The following SYN3 variants were observed in gnomAD, a reference collection of about 807,000 sequenced individuals.
The protein encoded by SYN3 is synapsin III.
Under a neutral mutation model 65.8 loss-of-function variants are expected in SYN3, and 35 were observed. The observed-to-expected ratio is 0.53, with a 90% CI of 0.41 to 0.70. SYN3 has a LOEUF of 0.70. Among genes scored for constraint, SYN3 ranks in the 30% least tolerant of loss-of-function variants. The probability of loss-of-function intolerance (pLI) is 0.00; values close to 1 mark genes in which losing one functional copy is unlikely to be tolerated. For missense variants in SYN3, 680 were observed against 749.0 expected (o/e 0.91, Z 1.08); for synonymous variants, 270 against 292.9 (o/e 0.92, Z 0.80).
intron 1 of SYN3, among the ~76,000 whole-genome samples, chr22:33,046,838 G>A (rs1380150118): frequency 7.0e-5 from 4 of 57,460 alleles, no homozygotes; most frequent in Non-Finnish European, 1.4e-4. Flanking sequence ...GCAAGTCTCT[G>A]TTTAAAAAAA....
intron 6 of SYN3, among the ~76,000 whole-genome samples, chr22:32,713,551 C>T (rs2060993643): frequency 6.6e-6 from 1 of 152,186 alleles, no homozygotes; most frequent in Admixed American, 6.5e-5. Context: ...GATATCCCGG[C>T]TGGGCGCGGT....
intron 1 of SYN3, among the ~76,000 whole-genome samples, chr22:33,036,177 T>A (rs1423877490): frequency 6.6e-6 from 1 of 152,186 alleles, no homozygotes; most frequent in Non-Finnish European, 1.5e-5. Context: ...CTAAATTTCC[T>A]GAAAACCTCC....
chr22:32,516,030 C>G (rs1390380936), intron 13 of SYN3, among the ~76,000 whole-genome samples: 3 of 152,100 alleles, frequency 2.0e-5, no homozygotes, highest in Non-Finnish European at 4.4e-5. Flanking sequence ...GATCTCCTGA[C>G]CTTGTGATCC....
chr22:32,577,545 T>C (rs2058870244), intron 7 of SYN3, among the ~76,000 whole-genome samples: 1 of 152,238 alleles, frequency 6.6e-6, no homozygotes, highest in Non-Finnish European at 1.5e-5. Flanking sequence ...AAAATATCAT[T>C]GGAGATTTGT....
At chr22:32,776,231 T>C (rs1602119601) in intron 6 of SYN3, among the ~76,000 whole-genome samples, 1 of 152,152 alleles carries the variant, frequency 6.6e-6, no homozygotes, top group South Asian at 2.1e-4. Context: ...CCTTTTTTTT[T>C]CAGCCCATTG....
intron 6 of SYN3, among the ~76,000 whole-genome samples, chr22:32,803,168 T>C (rs918688606): frequency 1.3e-5 from 2 of 152,076 alleles, no homozygotes; most frequent in African/African-American, 4.8e-5. Flanking sequence ...GTGTGTGCAC[T>C]GGGCTGGGCT....
chr22:32,774,053 AG>A lies in SYN3; in HGVS notation c.711+90861del, dbSNP rs1420696187. On this transcript the variant is annotated intron_variant, in intron 6 of 13. Transcript: ENST00000358763. Reference sequence around the variant, plus strand: ...TGTGTGCTGGTCCCAAGGACAGGAAAGAAAAGAGTGAGATGGGCTTGGAGGG... The same window carrying A: ...TGTGTGCTGGTCCCAAGGACAGGAAAAAAAGAGTGAGATGGGCTTGGAGGG... Among the ~76,000 whole-genome samples the A allele has an allele frequency of 3.3e-5, 5 of 152,222 alleles. No individual in the cohort carries two copies. In the East Asian group the frequency reaches 7.7e-4, roughly 24 times the overall value.
chr22:32,622,788 G>T (rs946165586), intron 6 of SYN3, among the ~76,000 whole-genome samples: 5 of 151,888 alleles, frequency 3.3e-5, no homozygotes, highest in Non-Finnish European at 5.9e-5. Context: ...GCAGGGAGAG[G>T]CTTCAAGCTT....
chr22:32,670,812 C>T (rs1393280732), intron 6 of SYN3, among the ~76,000 whole-genome samples: 1 of 152,168 alleles, frequency 6.6e-6, no homozygotes, highest in Non-Finnish European at 1.5e-5. Context: ...CTACTTTTAT[C>T]GTAAGTGATG....
Position 32,865,078 on chromosome 22 carries a change from G to T in SYN3, c.622-74C>A, listed in dbSNP as rs2048655370. ...AACAAAACCTCCCACTTGATCTGAG[G>T]CCTCAAGCATCTGACTGTTCTGAGC... On this transcript the variant is annotated intron_variant, in intron 5 of 13. Transcript: ENST00000358763. 2.5e-6 allele frequency: 3 copies of T among 1,223,698 alleles called. No individual in the cohort carries two copies. In the East Asian group the frequency reaches 7.0e-5, roughly 29 times the overall value. The allele number at this position is 1,223,698 out of a possible 1,614,324, so 75.8% of individuals were successfully genotyped here. A position where few individuals can be genotyped will look rare whatever the true frequency, so the allele number is the denominator to read the frequency against.
At chr22:32,637,881 C>T (rs987899592) in intron 6 of SYN3, among the ~76,000 whole-genome samples, 5 of 152,090 alleles carry the variant, frequency 3.3e-5, no homozygotes, top group Non-Finnish European at 1.5e-5. Flanking sequence ...TCAAATGATC[C>T]ACCCGCCTTG....
intron 6 of SYN3, among the ~76,000 whole-genome samples, chr22:32,710,977 C>T (rs1044147381): frequency 1.3e-5 from 2 of 152,204 alleles, no homozygotes; most frequent in African/African-American, 2.4e-5. Context: ...TCTCTATACC[C>T]TGCCTAACAG....
chr22:32,578,172 TTTTC>T (rs989149925), intron 7 of SYN3, among the ~76,000 whole-genome samples: 14 of 148,548 alleles, frequency 9.4e-5, no homozygotes, highest in Admixed American at 5.6e-4. Flanking sequence ...TTTCCTTTTC[TTTTC>T]TTTCTTTCTC....
chr22:32,865,911 G>A (rs895629410), intron 5 of SYN3, among the ~76,000 whole-genome samples: 2 of 152,112 alleles, frequency 1.3e-5, no homozygotes, highest in Admixed American at 6.5e-5. Context: ...TGGAGCAGAC[G>A]ACATAAGAGA....
At chr22:32,656,190 G>A (rs2060140323) in intron 6 of SYN3, among the ~76,000 whole-genome samples, 1 of 152,180 alleles carries the variant, frequency 6.6e-6, no homozygotes, top group Non-Finnish European at 1.5e-5. Context: ...AATTTCTGCA[G>A]GGCAGGCCTC....
intron 1 of SYN3, among the ~76,000 whole-genome samples, chr22:33,029,323 G>A (rs1410596860): frequency 6.6e-6 from 1 of 151,882 alleles, no homozygotes; most frequent in East Asian, 1.9e-4. Context: ...TACAAGTACA[G>A]GCCACCACCT....
intron 6 of SYN3, among the ~76,000 whole-genome samples, chr22:32,747,756 G>A (rs957368921): frequency 1.8e-4 from 27 of 152,266 alleles, no homozygotes; most frequent in Middle Eastern, 3.4e-3. Context: ...AGCGCCCAGC[G>A]ATGAGCTCAT....
chr22:33,040,761 G>A (rs2145932538), intron 1 of SYN3, among the ~76,000 whole-genome samples: 1 of 152,268 alleles, frequency 6.6e-6, no homozygotes, highest in South Asian at 2.1e-4. Flanking sequence ...ATAAGCGTCT[G>A]TCATTTCCCC....
At position 32,776,419 on chromosome 22, in the gene SYN3, G is replaced by C. The variant is rs149514979; in HGVS notation, c.711+88496C>G. ...ATAAGATAGTCATGCCTTACCAGGT[G>C]CCAGGTAGTGTTCATTCAATATTCA... On this transcript the variant is annotated intron_variant, in intron 6 of 13. Transcript: ENST00000358763. Among the ~76,000 whole-genome samples, 12 of 152,300 alleles carry C rather than the reference G, an allele frequency of 7.9e-5. No homozygotes were observed. The East Asian group carries it at 2.3e-3, about 29-fold the overall frequency.
Sources: gnomAD v4.1 joint callset for allele counts (sites outside exome capture counted in the v4.1 genomes callset) on GRCh38, gnomAD v4.1.1 for gene constraint, MANE v1.5 for transcripts, NCBI Gene and HGNC (gene_info 2026-07-23, HGNC 2026-07-21) for gene names.